Variants in DNAH14 observed in about 807,000 individuals in gnomAD.
DNAH14 encodes dynein axonemal heavy chain 14.
Under a neutral mutation model 520.9 loss-of-function variants are expected in DNAH14, and 478 were observed. That is an observed-to-expected ratio of 0.92 (90% CI 0.85 to 0.99). The LOEUF is 0.99. DNAH14 is among the 50% of genes least tolerant of loss of function. DNAH14 has a pLI of 0.00. For synonymous variants in DNAH14, 1,581 were observed against 1,757.2 expected (o/e 0.90, Z 2.51); for missense variants, 4,831 against 5,234.5 (o/e 0.92, Z 2.38).
chr1:225,317,996 A>G (rs1468062807), intron 60 of DNAH14, among the ~76,000 whole-genome samples: 1 of 152,238 alleles, frequency 6.6e-6, no homozygotes, highest in African/African-American at 2.4e-5. Flanking sequence ...AACTGTGAGC[A>G]ATATAAATAT....
At chr1:225,187,083 G>A (rs2084857597) in intron 37 of DNAH14, among the ~76,000 whole-genome samples, 1 of 151,242 alleles carries the variant, frequency 6.6e-6, no homozygotes, top group Non-Finnish European at 1.5e-5. Flanking sequence ...TTAGATATAT[G>A]TGTGTCCTTA....
rs2093831558 is a variant in DNAH14, at chr1:225,290,077, G to C, written c.8464G>C (p.Glu2822Gln). The change falls in exon 55 of 86, where the codon GAA becomes CAA. Residue 2822 changes from glutamate to glutamine, a missense_variant. Transcript: ENST00000682510. ...TVLMVPNLNIEQDSFLEDLNY... is the reference protein window; with the variant it reads ...TVLMVPNLNIQQDSFLEDLNY... ...TCTGATGGTTCCCAATTTAAACATA[G>C]AACAAGTAAGTACTTTTTGTCTTTG... 1 of 1,452,310 alleles carries C rather than the reference G, an allele frequency of 6.9e-7. No homozygotes were observed. Among genetic ancestry groups the C allele is most frequent in the Admixed American group, 2.5e-5 (1 of 39,528 alleles). 90.0% of individuals were successfully genotyped at this position (1,452,310 alleles called of 1,614,324 possible). A position where few individuals can be genotyped will look rare whatever the true frequency, so the allele number is the denominator to read the frequency against.
chr1:225,318,553 T>C, intron 60 of DNAH14, 30 bp from the exon 61 acceptor site: 1 of 1,508,822 alleles, frequency 6.6e-7, no homozygotes, highest in Non-Finnish European at 8.9e-7. Flanking sequence ...TTGATTCATA[T>C]GTGTTTGGGG....
intron 83 of DNAH14, among the ~76,000 whole-genome samples, chr1:225,391,539 G>A (rs928268414): frequency 3.3e-5 from 5 of 152,100 alleles, no homozygotes; most frequent in African/African-American, 1.2e-4. Flanking sequence ...GATCAGAGTA[G>A]AGCAGTGGTA....
intron 54 of DNAH14, among the ~76,000 whole-genome samples, chr1:225,282,784 T>G (rs2093655113): frequency 6.6e-6 from 1 of 152,198 alleles, no homozygotes; most frequent in Admixed American, 6.5e-5. Flanking sequence ...AACATAGAGA[T>G]GCAGATACTG....
intron 54 of DNAH14, among the ~76,000 whole-genome samples, chr1:225,287,436 A>G (rs1016240012): frequency 6.6e-6 from 1 of 152,178 alleles, no homozygotes; most frequent in Non-Finnish European, 1.5e-5. Context: ...CAGATGTTGG[A>G]AACCAGTTTT....
intron 60 of DNAH14, among the ~76,000 whole-genome samples, chr1:225,315,754 C>T (rs1407683481): frequency 6.6e-6 from 1 of 152,224 alleles, no homozygotes; most frequent in Non-Finnish European, 1.5e-5. Context: ...GTCTAGGTAT[C>T]ACCAGCGAAG....
chr1:224,974,154 G>T lies in DNAH14; in HGVS notation c.830+1G>T. On this transcript the variant is annotated splice_donor_variant, in intron 8 of 85. Coordinates refer to ENST00000682510, the MANE Select transcript of DNAH14 (RefSeq NM_001367479.1). LOFTEE classifies it high-confidence loss of function. ...AAAGAATTAAGACAGAGAAGAGCAG[G>T]TAAGTTTTGATACGCAATATATAAA... is the stretch of plus-strand genomic sequence containing the variant. 6.8e-7 allele frequency: 1 copy of T among 1,468,924 alleles called. No homozygotes were observed. The highest frequency in any genetic ancestry group is 9.1e-7 in the Non-Finnish European group (1 of 1,101,940). The allele number at this position is 1,468,924 out of a possible 1,614,324, so 91.0% of individuals were successfully genotyped here.
chr1:225,301,763 A>G (rs758302272), intron 56 of DNAH14, among the ~76,000 whole-genome samples: 8 of 152,170 alleles, frequency 5.3e-5, no homozygotes, highest in Non-Finnish European at 1.2e-4. Flanking sequence ...TAGTAACAAC[A>G]TTACTAAGTA....
At chr1:225,162,552 G>C (rs6702733) in intron 35 of DNAH14, among the ~76,000 whole-genome samples, 24,140 of 152,048 alleles carry the variant, frequency 0.16, 2,216 homozygotes, top group East Asian at 0.25. Context: ...TTTTAGAATT[G>C]TTTTTTCTAT....
chr1:225,161,756 CAAT>C (rs2149156968), intron 35 of DNAH14, among the ~76,000 whole-genome samples: 1 of 152,238 alleles, frequency 6.6e-6, no homozygotes, highest in South Asian at 2.1e-4. Flanking sequence ...CTCTGATGAT[CAAT>C]AATTTTGAGC....
intron 45 of DNAH14, among the ~76,000 whole-genome samples, chr1:225,258,617 A>AT (rs2092823267): frequency 6.6e-6 from 1 of 152,188 alleles, no homozygotes; most frequent in Non-Finnish European, 1.5e-5. Context: ...CAATAGTATC[A>AT]TTTTCCCAGT....
At chr1:225,250,141 G>A (rs1250662444) in intron 43 of DNAH14, among the ~76,000 whole-genome samples, 2 of 152,140 alleles carry the variant, frequency 1.3e-5, no homozygotes, top group Non-Finnish European at 2.9e-5. Flanking sequence ...TTTAACTTTT[G>A]AGCAACTGCC....
chr1:225,335,630 CATAT>C lies in DNAH14; in HGVS notation c.10081-1635_10081-1632del, dbSNP rs2094969057. On this transcript the variant is annotated intron_variant, in intron 66 of 85. Transcript: ENST00000682510. ...GTATATGTGTATATACGCATATATACATATGTGCATATATGTATATACGCATATA... is the reference window on the plus strand; with the variant it reads ...GTATATGTGTATATACGCATATATACGTGCATATATGTATATACGCATATA... 1.4e-4 allele frequency among the ~76,000 whole-genome samples: 17 copies of C among 120,056 alleles called. 1 individual carries two copies. The highest frequency in any genetic ancestry group is 2.1e-4 in the Non-Finnish European group (12 of 56,800). 78.8% of individuals were successfully genotyped at this position (120,056 alleles called of 152,430 possible). A position where few individuals can be genotyped will look rare whatever the true frequency, so the allele number is the denominator to read the frequency against.
chr1:225,005,400 T>C (rs2064089700), intron 9 of DNAH14, among the ~76,000 whole-genome samples: 1 of 152,164 alleles, frequency 6.6e-6, no homozygotes, highest in African/African-American at 2.4e-5. Flanking sequence ...CATGGTATTT[T>C]AGGAAAATTA....
In DNAH14 at chr1:224,986,964, TAAAC is replaced by T. The variant is rs1025947737; in HGVS notation, c.830+12815_830+12818del. On this transcript the variant is annotated intron_variant, in intron 8 of 85. Transcript: ENST00000682510. ...TCCACTAAAAATCTATTTGAATTAA[TAAAC>T]AAATTCAGTAATGTTACAGGATACA... is the stretch of plus-strand genomic sequence containing the variant. Among the ~76,000 whole-genome samples, 5 of 152,308 alleles carry T rather than the reference TAAAC, an allele frequency of 3.3e-5. No individual in the cohort carries two copies. In the East Asian group the frequency reaches 5.8e-4, roughly 18 times the overall value.
At chr1:225,355,734 A>G (rs998126936) in intron 73 of DNAH14, among the ~76,000 whole-genome samples, 2 of 152,232 alleles carry the variant, frequency 1.3e-5, no homozygotes, top group Non-Finnish European at 2.9e-5. Flanking sequence ...AAATATAGAT[A>G]CATTATTTCA....
intron 12 of DNAH14, among the ~76,000 whole-genome samples, chr1:225,040,971 T>C (rs573570928): frequency 1.3e-5 from 2 of 152,342 alleles, no homozygotes; most frequent in Admixed American, 6.5e-5. Flanking sequence ...CATTTTTTCA[T>C]GTAACTTGCA....
intron 10 of DNAH14, among the ~76,000 whole-genome samples, chr1:225,021,104 C>T (rs2065653545): frequency 6.6e-6 from 1 of 152,206 alleles, no homozygotes; most frequent in Admixed American, 6.5e-5. Flanking sequence ...AACATCCCTG[C>T]ATGTTAAAAA....
Sources: gnomAD v4.1 joint callset for allele counts (sites outside exome capture counted in the v4.1 genomes callset) on GRCh38, gnomAD v4.1.1 for gene constraint, MANE v1.5 for transcripts, NCBI Gene and HGNC (gene_info 2026-07-23, HGNC 2026-07-21) for gene names.